The following HEATR1 variants were observed in gnomAD, a reference collection of about 807,000 sequenced individuals.
The protein encoded by HEATR1 is HEAT repeat-containing protein 1.
In HEATR1, 77 loss-of-function variants were observed where a neutral mutation model predicts 248.2. The ratio of observed to expected loss-of-function variants is 0.31; its 90% CI spans 0.26 to 0.37. HEATR1 has a LOEUF of 0.37. HEATR1 is among the 10% of genes least tolerant of loss of function. The probability of loss-of-function intolerance (pLI) is 1.00; values close to 1 mark genes in which losing one functional copy is unlikely to be tolerated. For synonymous variants in HEATR1, 897 were observed against 923.1 expected, an observed-to-expected ratio of 0.97 and a Z score of 0.51; for missense variants, 2,420 against 2,504.9, an observed-to-expected ratio of 0.97 and a Z score of 0.72.
chr1:236,561,141 G>A, intron 33 of HEATR1, 84 bp downstream of exon 33: 9 of 992,938 alleles, frequency 9.1e-6, no homozygotes, highest in South Asian at 2.7e-5. Flanking sequence ...AAGAGTATAT[G>A]AATTTTCTGT....
intron 30 of HEATR1, 129 bp downstream of exon 30, chr1:236,566,517 A>C: frequency 2.8e-6 from 2 of 710,800 alleles, no homozygotes; most frequent in Non-Finnish European, 4.6e-6. Flanking sequence ...TTTTTGAAAA[A>C]GGTTCTGAGC....
At chr1:236,581,181 C>G in intron 20 of HEATR1, 41 bp downstream of exon 20, 1 of 1,491,906 alleles carries the variant, frequency 6.7e-7, no homozygotes, top group Non-Finnish European at 9.3e-7. Context: ...AAAGCATGAA[C>G]AGTTGGTCAT....
Position 236,595,971 on chromosome 1 carries a change from G to A in HEATR1, c.818C>T (p.Thr273Ile), listed in dbSNP as rs376676358. Reference protein sequence around the residue: ...MIICQISVKVTMENTFVNSLA... With the variant: ...MIICQISVKVIMENTFVNSLA... ...TGAATTCACAAAGGTATTTTCCATG[G>A]TCACTTTCACAGAAATCTGACATAT... Residue 273 changes from threonine (T) to isoleucine (I), a missense_variant, in exon 7 of 45, where the codon ACC becomes ATC. Coordinates refer to ENST00000366582, the MANE Select transcript of HEATR1 (RefSeq NM_018072.6). 21 of 1,613,580 alleles carry A rather than the reference G, an allele frequency of 1.3e-5. No individual in the cohort carries two copies. The highest frequency in any genetic ancestry group is 1.8e-5 in the Non-Finnish European group (21 of 1,179,736).
intron 20 of HEATR1, 130 bp downstream of exon 20, chr1:236,581,092 A>T: frequency 1.5e-6 from 1 of 682,898 alleles, no homozygotes; most frequent in Non-Finnish European, 2.4e-6. Flanking sequence ...TGCTGGGATT[A>T]CAGGCGTGAG....
intron 32 of HEATR1, among the ~76,000 whole-genome samples, chr1:236,563,819 T>C (rs1572035744): frequency 6.6e-6 from 1 of 152,038 alleles, no homozygotes; most frequent in East Asian, 2.0e-4. Context: ...ACTCACTATA[T>C]CCAGGTAAAG....
intron 8 of HEATR1, among the ~76,000 whole-genome samples, chr1:236,594,687 A>G (rs184422134): frequency 3.0e-4 from 46 of 152,378 alleles, no homozygotes; most frequent in East Asian, 1.3e-3. Context: ...GTAGACTGAC[A>G]TAAGTTTAGA....
At position 236,555,494 on chromosome 1, in the gene HEATR1, C is replaced by T. The variant is rs372904925; in HGVS notation, c.5755-30G>A. On this transcript the variant is annotated intron_variant, in intron 40 of 44. Transcript: ENST00000366582. ...AAGGATAAGACAGTATTAGTTTCTT[C>T]GACATCTTGTCACTTAAATCTGAGC... 7.9e-5 allele frequency: 127 copies of T among 1,614,000 alleles called. No individual in the cohort carries two copies. The African/African-American group carries it at 1.3e-3, about 17-fold the overall frequency.
rs1662953984 is a variant in HEATR1, at chr1:236,555,807, C to T, written c.5647G>A (p.Glu1883Lys). The T allele has an allele frequency of 6.2e-7, 1 of 1,614,154 alleles. No individual in the cohort carries two copies. Among genetic ancestry groups the T allele is most frequent in the African/African-American group, 1.3e-5 (1 of 75,036 alleles). Reference protein sequence around the residue: ...EALDFRAQHSENDLEEVGKTE... With the variant: ...EALDFRAQHSKNDLEEVGKTE... ...TGGAGGAGTGAACCTGAGCTTACCT[C>T]AGAGTGCTGGGCTCGGAAGTCCAGG... The change falls in exon 39 of 45, where the codon GAG becomes AAG. Residue 1883 changes from glutamate to lysine, a missense_variant and splice_region_variant. Glu to Lys is a moderately conservative substitution (Grantham distance 56, BLOSUM62 1). Coordinates refer to ENST00000366582, the MANE Select transcript of HEATR1 (RefSeq NM_018072.6).
intron 17 of HEATR1, among the ~76,000 whole-genome samples, 180 bp from the exon 18 acceptor site, chr1:236,583,376 CAAAGTT>C (rs1663804792): frequency 6.6e-6 from 1 of 151,798 alleles, no homozygotes; most frequent in African/African-American, 2.4e-5. Flanking sequence ...CAAGGAAAGA[CAAAGTT>C]AAATTTTATC....
intron 19 of HEATR1, among the ~76,000 whole-genome samples, chr1:236,582,487 C>T (rs1663778713): frequency 6.6e-6 from 1 of 151,568 alleles, no homozygotes; most frequent in Non-Finnish European, 1.5e-5. Context: ...ACTGCAACCT[C>T]TGCCTCCCGG....
chr1:236,589,291 T>A (rs1663969519), intron 12 of HEATR1, among the ~76,000 whole-genome samples: 1 of 152,236 alleles, frequency 6.6e-6, no homozygotes, highest in Non-Finnish European at 1.5e-5. Context: ...ATGAATTTAT[T>A]TAACATATCG....
chr1:236,593,701 T>A (rs1404817899), intron 9 of HEATR1, among the ~76,000 whole-genome samples: 3 of 152,168 alleles, frequency 2.0e-5, no homozygotes, highest in Non-Finnish European at 2.9e-5. Context: ...TGTGATGTGT[T>A]ATTTCAGATA....
chr1:236,602,853 G>A, intron 3 of HEATR1: 2 of 228,758 alleles, frequency 8.7e-6, no homozygotes, highest in Non-Finnish European at 1.7e-5. Flanking sequence ...GAACCTGGGA[G>A]GCAGAGGTTG....
At chr1:236,601,838 A>C (rs1349168384) in intron 3 of HEATR1, among the ~76,000 whole-genome samples, 1 of 150,374 alleles carries the variant, frequency 6.7e-6, no homozygotes, top group East Asian at 2.0e-4. Context: ...AATAAAATAA[A>C]AATAAAAAGA....
In HEATR1 at chr1:236,555,781, T is replaced by A. The variant is rs376593951; in HGVS notation, c.5649+24A>T. 3 of 1,613,876 alleles carry A rather than the reference T, an allele frequency of 1.9e-6. No homozygotes were observed. The African/African-American group carries it at 4.0e-5, about 22-fold the overall frequency. On this transcript the variant is annotated intron_variant, in intron 39 of 44. Coordinates refer to ENST00000366582, the MANE Select transcript of HEATR1 (RefSeq NM_018072.6). ...AATAGGTGGATAACAGCTTTAGGAT[T>A]TGGAGGAGTGAACCTGAGCTTACCT...
At chr1:236,587,881 G>T in intron 13 of HEATR1, 67 bp downstream of exon 13, 1 of 1,089,954 alleles carries the variant, frequency 9.2e-7, no homozygotes, top group Non-Finnish European at 1.4e-6. Context: ...CTCAAGCAGA[G>T]AATCAAGTGA....
intron 29 of HEATR1, among the ~76,000 whole-genome samples, 172 bp from the exon 30 acceptor site, chr1:236,567,048 G>A (rs765032463): frequency 9.2e-5 from 14 of 152,096 alleles, no homozygotes; most frequent in Admixed American, 2.6e-4. Context: ...GTGCAGTGAT[G>A]TGATCATATC....
At chr1:236,603,836 C>T in intron 2 of HEATR1, 118 bp downstream of exon 2, 5 of 1,094,852 alleles carry the variant, frequency 4.6e-6, no homozygotes, top group Non-Finnish European at 5.2e-6. Flanking sequence ...CATCAACATG[C>T]TAGAAACTGC....
chr1:236,595,823 T>A lies in HEATR1; in HGVS notation c.956+10A>T, dbSNP rs756962745. 1 of 1,606,280 alleles carries A rather than the reference T, an allele frequency of 6.2e-7. No homozygotes were observed. On this transcript the variant is annotated intron_variant, in intron 7 of 44. Transcript: ENST00000366582. ...TGACTAGCACCATTTCTCAATTCAA[T>A]TGTACATACTTTTTCCCAAGGCTCT...
Sources: gnomAD v4.1 joint callset for allele counts (sites outside exome capture counted in the v4.1 genomes callset) on GRCh38, gnomAD v4.1.1 for gene constraint, MANE v1.5 for transcripts, NCBI Gene and HGNC (gene_info 2026-07-23, HGNC 2026-07-21) for gene names.